The following TRPM6 variants were observed in gnomAD, a reference collection of about 807,000 sequenced individuals.
The protein encoded by TRPM6 is transient receptor potential cation channel subfamily M member 6, also known as channel kinase 2.
Under a neutral mutation model 247.6 loss-of-function variants are expected in TRPM6, and 111 were observed. The observed-to-expected ratio is 0.45, with a 90% confidence interval of 0.38 to 0.52. The LOEUF is 0.52. Among genes scored for constraint, TRPM6 ranks in the 20% least tolerant of loss-of-function variants. The probability of loss-of-function intolerance (pLI) is 0.00; values close to 1 mark genes in which losing one functional copy is unlikely to be tolerated. For missense variants in TRPM6, 2,126 were observed against 2,421.5 expected, an observed-to-expected ratio of 0.88 and a Z score of 2.56; for synonymous variants, 892 against 853.8, an observed-to-expected ratio of 1.04 and a Z score of -0.78.
intron 1 of TRPM6, among the ~76,000 whole-genome samples, chr9:74,864,403 C>A (rs1830782526): frequency 6.6e-6 from 1 of 152,172 alleles, no homozygotes; most frequent in African/African-American, 2.4e-5. Context: ...GGCCTTCTAT[C>A]TGTCCAAATT....
chr9:74,850,581 G>A (rs1159336377), intron 3 of TRPM6, among the ~76,000 whole-genome samples: 1 of 152,042 alleles, frequency 6.6e-6, no homozygotes, highest in African/African-American at 2.4e-5. Context: ...TTATCCAGGT[G>A]TGGTGGCAAG....
At chr9:74,836,182 G>C (rs942468896) in intron 5 of TRPM6, among the ~76,000 whole-genome samples, 1 of 152,064 alleles carries the variant, frequency 6.6e-6, no homozygotes, top group African/African-American at 2.4e-5. Context: ...CCATAGATTT[G>C]CCTTTTCCAG....
In TRPM6 at chr9:74,724,752, A is replaced by G. The variant is rs753724429; in HGVS notation, c.5936-6T>C. 1 of 1,614,108 alleles carries G rather than the reference A, an allele frequency of 6.2e-7. No individual in the cohort carries two copies. The highest frequency in any genetic ancestry group is 1.1e-5 in the South Asian group (1 of 91,086). On this transcript the variant is annotated splice_region_variant and splice_polypyrimidine_tract_variant and intron_variant, in intron 38 of 38. Coordinates refer to ENST00000360774, the MANE Select transcript of TRPM6 (RefSeq NM_017662.5). ...ATAGTCATTTCTTTTTAAATCTGCA[A>G]GGAGGACAAGTAAAAAGGTTATAGT...
intron 28 of TRPM6, among the ~76,000 whole-genome samples, chr9:74,754,865 C>A (rs564465180): frequency 4.6e-5 from 7 of 152,282 alleles, no homozygotes; most frequent in Admixed American, 4.6e-4. Context: ...GCTGGTTGAT[C>A]CATCTTCTCT....
intron 25 of TRPM6, among the ~76,000 whole-genome samples, chr9:74,771,441 G>A (rs556520439): frequency 6.6e-6 from 1 of 152,206 alleles, no homozygotes; most frequent in Non-Finnish European, 1.5e-5. Context: ...ACACGCGCGC[G>A]CGCATGAATG....
intron 27 of TRPM6, among the ~76,000 whole-genome samples, chr9:74,756,562 G>A (rs1317328807): frequency 1.3e-5 from 2 of 151,526 alleles, no homozygotes; most frequent in Admixed American, 1.3e-4. Flanking sequence ...AGAAAAGAAG[G>A]CCAGGCACAG....
intron 5 of TRPM6, among the ~76,000 whole-genome samples, chr9:74,837,533 G>T (rs1345750081): frequency 6.6e-6 from 1 of 151,442 alleles, no homozygotes; most frequent in Non-Finnish European, 1.5e-5. Context: ...TGCAACCTCC[G>T]CCTCCTGGGT....
chr9:74,871,456 T>C (rs765907646), intron 1 of TRPM6, among the ~76,000 whole-genome samples: 11 of 152,194 alleles, frequency 7.2e-5, no homozygotes, highest in Non-Finnish European at 1.3e-4. Context: ...TGTAATAACC[T>C]TATATATAGA....
intron 11 of TRPM6, 111 bp downstream of exon 11, chr9:74,816,558 C>G: frequency 1.2e-6 from 1 of 853,294 alleles, no homozygotes; most frequent in Non-Finnish European, 1.9e-6. Flanking sequence ...AGAGATGCTA[C>G]CCCACACTTC....
intron 36 of TRPM6, among the ~76,000 whole-genome samples, chr9:74,736,953 G>A (rs1167072783): frequency 1.3e-5 from 2 of 151,920 alleles, no homozygotes; most frequent in Non-Finnish European, 2.9e-5. Flanking sequence ...TTTTTCTTTC[G>A]TTGTTTTTTT....
At chr9:74,847,242 C>T (rs1830140947) in intron 3 of TRPM6, among the ~76,000 whole-genome samples, 1 of 152,060 alleles carries the variant, frequency 6.6e-6, no homozygotes, top group African/African-American at 2.4e-5. Flanking sequence ...ACTCTGTCAC[C>T]CAGGCTGGAG....
intron 23 of TRPM6, 136 bp from the exon 24 acceptor site, chr9:74,776,212 T>A: frequency 1.3e-6 from 1 of 754,230 alleles, no homozygotes. Context: ...TATCCACGTG[T>A]TTACAATTCT....
intron 3 of TRPM6, 22 bp downstream of exon 3, chr9:74,855,505 A>G: frequency 2.5e-6 from 4 of 1,577,890 alleles, no homozygotes; most frequent in Non-Finnish European, 3.5e-6. Flanking sequence ...GCTAAAAGGA[A>G]TCTTGCTTAT....
chr9:74,728,521 T>G (rs1210058181), intron 37 of TRPM6, among the ~76,000 whole-genome samples, 176 bp from the exon 38 acceptor site: 2 of 152,184 alleles, frequency 1.3e-5, no homozygotes, highest in East Asian at 3.8e-4. Context: ...AAAATTCAAA[T>G]GCACTTAAAT....
intron 1 of TRPM6, among the ~76,000 whole-genome samples, chr9:74,884,380 T>A (rs957166958): frequency 6.6e-6 from 1 of 151,846 alleles, no homozygotes; most frequent in African/African-American, 2.4e-5. Context: ...TCCCAGCTAC[T>A]CGGGAGGCTG....
chr9:74,856,431 T>C (rs6560415), intron 2 of TRPM6, among the ~76,000 whole-genome samples: 1,607 of 148,032 alleles, frequency 0.011, 27 homozygotes, highest in African/African-American at 0.038. Context: ...CACAGCAAGA[T>C]CCTGTCTCAA....
rs1827958619 is a variant in TRPM6 at position 74,792,873 on chromosome 9, T to C, written c.2392-103A>G. On this transcript the variant is annotated intron_variant, in intron 18 of 38. Coordinates refer to ENST00000360774, the MANE Select transcript of TRPM6 (RefSeq NM_017662.5). ...TCATAAATAATATATTAGAAATTAGTTGGCTGGGGGCGGTGGCTCACACCT... is the reference window on the plus strand; with the variant it reads ...TCATAAATAATATATTAGAAATTAGCTGGCTGGGGGCGGTGGCTCACACCT... 53 of 1,204,634 alleles carry C rather than the reference T, an allele frequency of 4.4e-5. 1 individual carries two copies. In the South Asian group the frequency reaches 6.8e-4, roughly 15 times the overall value. 74.6% of individuals were successfully genotyped at this position (1,204,634 alleles called of 1,614,324 possible). A position where few individuals can be genotyped will look rare whatever the true frequency, so the allele number is the denominator to read the frequency against.
intron 9 of TRPM6, among the ~76,000 whole-genome samples, chr9:74,818,029 G>A (rs916921982): frequency 1.2e-4 from 18 of 152,098 alleles, no homozygotes; most frequent in African/African-American, 3.6e-4. Flanking sequence ...CACCTGACAC[G>A]CCCTCTATGT....
intron 14 of TRPM6, among the ~76,000 whole-genome samples, chr9:74,807,784 A>G (rs1308400994): frequency 6.6e-6 from 1 of 152,208 alleles, no homozygotes; most frequent in Non-Finnish European, 1.5e-5. Flanking sequence ...CATGTATTAT[A>G]TACTGTTTTG....
Sources: gnomAD v4.1 joint callset for allele counts (sites outside exome capture counted in the v4.1 genomes callset) on GRCh38, gnomAD v4.1.1 for gene constraint, MANE v1.5 for transcripts, NCBI Gene and HGNC (gene_info 2026-07-23, HGNC 2026-07-21) for gene names.